Variants in BCAS3 observed in about 807,000 individuals in gnomAD.
The protein encoded by BCAS3 is BCAS4/BCAS3 fusion.
In BCAS3, 53 loss-of-function variants were observed where a neutral mutation model predicts 116.1. That is an observed-to-expected ratio of 0.46 (90% CI 0.37 to 0.57). BCAS3 has a LOEUF of 0.57. Ranked by LOEUF, BCAS3 falls within the 20% of genes least tolerant of loss-of-function variation. BCAS3 has a pLI of 0.00. For synonymous variants in BCAS3, 391 were observed against 408.2 expected, an observed-to-expected ratio of 0.96 and a Z score of 0.51; for missense variants, 917 against 1,165.4, an observed-to-expected ratio of 0.79 and a Z score of 3.10.
intron 14 of BCAS3, among the ~76,000 whole-genome samples, 170 bp from the exon 15 acceptor site, chr17:60,989,797 GATCA>G: frequency 6.6e-6 from 1 of 152,206 alleles, no homozygotes; most frequent in South Asian, 2.1e-4. Context: ...ATGGAGTTTT[GATCA>G]ACAGTCATTG....
intron 4 of BCAS3, among the ~76,000 whole-genome samples, chr17:60,706,010 G>A (rs73332399): frequency 0.07 from 10,627 of 151,952 alleles, 1,239 homozygotes; most frequent in African/African-American, 0.24. Flanking sequence ...GGAGATGACC[G>A]ACCCCTCCTG....
In BCAS3 at chr17:61,124,635, A is replaced by T. The variant is rs761479840; in HGVS notation, c.2425+40071A>T. 1.5e-4 allele frequency among the ~76,000 whole-genome samples: 23 copies of T among 152,200 alleles called. No homozygotes were observed. The highest frequency in any genetic ancestry group is 2.9e-4 in the Non-Finnish European group (20 of 68,034). ...TCCCTAGTGAGTTATGTAGTTAATC[A>T]TATTAAACTGTTTTTCAGTTTTGAA... On this transcript the variant is annotated intron_variant, in intron 22 of 23. Coordinates refer to ENST00000407086, the MANE Select transcript of BCAS3 (RefSeq NM_017679.5). The surrounding 1 kb of genome is among the most constrained non-coding windows in gnomAD (Gnocchi z 4.6).
At chr17:60,885,669 G>T (rs200738455) in intron 9 of BCAS3, among the ~76,000 whole-genome samples, 1 of 147,812 alleles carries the variant, frequency 6.8e-6, no homozygotes, top group East Asian at 2.0e-4. Context: ...GCATTTGCTT[G>T]TCTGTAAAGT....
chr17:60,853,200 T>C (rs1404738836), intron 7 of BCAS3, among the ~76,000 whole-genome samples: 1 of 152,250 alleles, frequency 6.6e-6, no homozygotes. Context: ...AATTGTACTG[T>C]ATGATTCTAA....
chr17:60,871,016 C>A (rs188759198), intron 8 of BCAS3, among the ~76,000 whole-genome samples: 1 of 152,240 alleles, frequency 6.6e-6, no homozygotes, highest in Non-Finnish European at 1.5e-5. Context: ...GATAATTTAT[C>A]AATAGTTTTG....
At chr17:61,086,587 C>G (rs2073110740) in intron 22 of BCAS3, 1 of 638,118 alleles carries the variant, frequency 1.6e-6, no homozygotes, top group Non-Finnish European at 1.9e-6. Flanking sequence ...TAATTTGCAT[C>G]AGAGATACAC....
intron 5 of BCAS3, among the ~76,000 whole-genome samples, chr17:60,730,299 T>C (rs1004800917): frequency 1.3e-5 from 2 of 152,230 alleles, no homozygotes; most frequent in African/African-American, 4.8e-5. Context: ...TTGTGTTCTG[T>C]GGTTTTCGTA....
In BCAS3 at chr17:61,171,040, C is replaced by T. The variant is rs1409039136; in HGVS notation, c.2425+86476C>T. The stretch of plus-strand genomic sequence containing the variant: ...CTCATAATTTGCAGGTAAAGTGATA[C>T]AAGATTTTTGTGTCAAAAGTGGGGC... On this transcript the variant is annotated intron_variant, in intron 22 of 23. Transcript: ENST00000407086. The surrounding 1 kb of genome is among the most constrained non-coding windows in gnomAD (Gnocchi z 4.1). 6.6e-6 allele frequency among the ~76,000 whole-genome samples: 1 copy of T among 152,004 alleles called. No homozygotes were observed. Among genetic ancestry groups the T allele is most frequent in the Non-Finnish European group, 1.5e-5 (1 of 67,996 alleles).
At chr17:61,195,265 T>A (rs989331088) in intron 22 of BCAS3, among the ~76,000 whole-genome samples, 7 of 152,270 alleles carry the variant, frequency 4.6e-5, no homozygotes, top group African/African-American at 1.4e-4. Flanking sequence ...TAACCGCAGA[T>A]GAAATATTGG....
At chr17:61,321,288 G>T (rs1044048591) in intron 22 of BCAS3, among the ~76,000 whole-genome samples, 3 of 152,112 alleles carry the variant, frequency 2.0e-5, no homozygotes, top group Admixed American at 2.0e-4. Flanking sequence ...CCCAAGTAAG[G>T]ACAGAGCGTT....
intron 22 of BCAS3, among the ~76,000 whole-genome samples, chr17:61,322,804 G>GAGAGAGAGAGAGAGAGAC (rs2055349530): frequency 4.7e-5 from 6 of 128,478 alleles, no homozygotes; most frequent in Non-Finnish European, 6.7e-5. Flanking sequence ...CAGAGAGAGA[G>GAGAGAGAGAGAGAGAGAC]AGAGAGAGAG....
At chr17:60,895,721 A>G (rs750001132) in intron 10 of BCAS3, among the ~76,000 whole-genome samples, 1 of 152,104 alleles carries the variant, frequency 6.6e-6, no homozygotes, top group South Asian at 2.1e-4. Flanking sequence ...TGTATTCCAC[A>G]GTTTTGGTAT....
Position 61,243,580 on chromosome 17 carries a change from A to T in BCAS3, c.2426-124747A>T, listed in dbSNP as rs554581957. 1.3e-5 allele frequency among the ~76,000 whole-genome samples: 2 copies of T among 152,292 alleles called. No individual in the cohort carries two copies. The highest frequency in any genetic ancestry group is 3.9e-4 in the East Asian group (2 of 5,174). On this transcript the variant is annotated intron_variant, in intron 22 of 23. Transcript: ENST00000407086. The surrounding 1 kb of genome is among the most constrained non-coding windows in gnomAD (Gnocchi z 5.6). ...TGTCATAAGTGTGTCTCAAGAAAAT[A>T]TAAAGACAGTATAAGAAGACTTAGA... is the stretch of plus-strand genomic sequence containing the variant.
At chr17:61,133,154 GAAC>G (rs1438645315) in intron 22 of BCAS3, among the ~76,000 whole-genome samples, 17 of 152,092 alleles carry the variant, frequency 1.1e-4, no homozygotes, top group Admixed American at 1.1e-3. Context: ...CAAAACCCCA[GAAC>G]AACAACAAAT....
intron 7 of BCAS3, among the ~76,000 whole-genome samples, chr17:60,848,287 T>A (rs115822898): frequency 4.0e-3 from 602 of 152,326 alleles, no homozygotes; most frequent in African/African-American, 0.014. Context: ...CTTGTACTTA[T>A]TACATTTGTG....
rs141995381 is a variant in BCAS3 at position 61,098,929 on chromosome 17, C to A, written c.2425+14365C>A. On this transcript the variant is annotated intron_variant, in intron 22 of 23. Coordinates refer to ENST00000407086, the MANE Select transcript of BCAS3 (RefSeq NM_017679.5). This position sits in a 1 kb window ranked among gnomAD's most constrained non-coding sequence, Gnocchi z 4.2. ...CACCAGGTCAGGAGATCGAGATCAT[C>A]CTGGCTAACACGGTGAAACCCCATC... 1.3e-5 allele frequency among the ~76,000 whole-genome samples: 2 copies of A among 152,040 alleles called. No homozygotes were observed. Among genetic ancestry groups the A allele is most frequent in the Non-Finnish European group, 2.9e-5 (2 of 68,024 alleles).
chr17:60,973,068 A>G (rs1415466301), intron 14 of BCAS3, among the ~76,000 whole-genome samples: 1 of 152,214 alleles, frequency 6.6e-6, no homozygotes, highest in African/African-American at 2.4e-5. Flanking sequence ...AGAAAACCAC[A>G]TTTAACAATG....
rs2040527711 is a variant in BCAS3, at chr17:60,732,213, CT to C, written c.322-14980del. ...CCCCAATAGGATTTTATTGGTGTTA[CT>C]TTTTAGCTTTTTAAACTACTGATCT... On this transcript the variant is annotated intron_variant, in intron 5 of 23. Transcript: ENST00000407086. 2.0e-5 allele frequency among the ~76,000 whole-genome samples: 3 copies of C among 152,176 alleles called. No homozygotes were observed. In the South Asian group the frequency reaches 6.2e-4, roughly 32 times the overall value.
At chr17:61,135,733 CAT>C (rs2076589866) in intron 22 of BCAS3, 1 of 152,222 alleles carries the variant, frequency 6.6e-6, no homozygotes, top group African/African-American at 2.4e-5. Flanking sequence ...ATGAAATTCA[CAT>C]GTCAGGCTCA....
Sources: allele counts gnomAD v4.1 joint callset (sites outside exome capture counted in the v4.1 genomes callset), GRCh38; gene constraint gnomAD v4.1.1; non-coding constraint Gnocchi (gnomAD v3.1); transcripts MANE v1.5; gene names NCBI Gene and HGNC (gene_info 2026-07-23, HGNC 2026-07-21).